Variants in UBE2G1 observed in about 807,000 individuals in gnomAD.
UBE2G1 encodes ubiquitin-conjugating enzyme E2 G1.
Under a neutral mutation model 22.7 loss-of-function variants are expected in UBE2G1, and 5 were observed. That is an observed-to-expected ratio of 0.22 (90% confidence interval 0.12 to 0.46). The LOEUF (loss-of-function observed/expected upper bound fraction) is 0.46, where lower values mean the gene tolerates loss of function less well. Ranked by LOEUF, UBE2G1 falls within the 20% of genes least tolerant of loss-of-function variation. The pLI is 0.99. For synonymous variants in UBE2G1, 74 were observed against 67.5 expected, an observed-to-expected ratio of 1.10 and a Z score of -0.47; for missense variants, 88 against 203.9, an observed-to-expected ratio of 0.43 and a Z score of 3.46.
intron 1 of UBE2G1, among the ~76,000 whole-genome samples, chr17:4,357,300 T>C (rs1302403022): frequency 4.6e-5 from 7 of 151,942 alleles, no homozygotes; most frequent in Admixed American, 4.6e-4. Context: ...TGCCGGCATA[T>C]TGTTATCATT....
intron 2 of UBE2G1, chr17:4,302,247 C>A: frequency 2.1e-6 from 1 of 471,182 alleles, no homozygotes; most frequent in South Asian, 1.6e-5. Context: ...TATCAGCTCC[C>A]ACACCCCAGT....
intron 1 of UBE2G1, among the ~76,000 whole-genome samples, chr17:4,358,771 G>A (rs562253324): frequency 6.6e-6 from 1 of 152,196 alleles, no homozygotes; most frequent in African/African-American, 2.4e-5. Flanking sequence ...GACTAATATA[G>A]AGAAACCCTG....
intron 4 of UBE2G1, among the ~76,000 whole-genome samples, chr17:4,288,051 T>C (rs1267209704): frequency 6.6e-6 from 1 of 152,164 alleles, no homozygotes; most frequent in Non-Finnish European, 1.5e-5. Flanking sequence ...CTGAAACATT[T>C]TGGGGTGAAG....
At chr17:4,302,400 A>G in intron 2 of UBE2G1, 1 of 503,532 alleles carries the variant, frequency 2.0e-6, no homozygotes, top group Non-Finnish European at 4.1e-6. Flanking sequence ...TCTCCTATTC[A>G]TCGCTTGCCT....
chr17:4,354,842 T>C (rs1030437814), intron 1 of UBE2G1, among the ~76,000 whole-genome samples: 1 of 151,670 alleles, frequency 6.6e-6, no homozygotes, highest in Non-Finnish European at 1.5e-5. Context: ...GCAGATAAGG[T>C]GGGAGGTTCA....
At chr17:4,356,049 TAAA>T (rs746982860) in intron 1 of UBE2G1, among the ~76,000 whole-genome samples, 26 of 99,080 alleles carry the variant, frequency 2.6e-4, no homozygotes, top group African/African-American at 8.1e-4. Context: ...TGTTTCACTT[TAAA>T]AAAAAAAAAA....
At chr17:4,300,398 C>G (rs1241520939) in intron 2 of UBE2G1, among the ~76,000 whole-genome samples, 1 of 151,780 alleles carries the variant, frequency 6.6e-6, no homozygotes, top group Non-Finnish European at 1.5e-5. Flanking sequence ...CAAAAATTAG[C>G]CAGGCGTGGT....
intron 5 of UBE2G1, among the ~76,000 whole-genome samples, chr17:4,274,266 C>T (rs1485647815): frequency 6.8e-6 from 1 of 147,604 alleles, no homozygotes; most frequent in Admixed American, 6.8e-5. Context: ...GGCGCGATCT[C>T]GGCTCACTGC....
At chr17:4,285,932 AGAGC>A (rs1256003708) in intron 4 of UBE2G1, among the ~76,000 whole-genome samples, 1 of 149,568 alleles carries the variant, frequency 6.7e-6, no homozygotes, top group Non-Finnish European at 1.5e-5. Flanking sequence ...GCCTGGCGAC[AGAGC>A]GAGACTACAT....
intron 2 of UBE2G1, among the ~76,000 whole-genome samples, chr17:4,306,501 T>C (rs1245939638): frequency 6.6e-6 from 1 of 152,030 alleles, no homozygotes; most frequent in Non-Finnish European, 1.5e-5. Context: ...AAACTATTAT[T>C]TTTAATAGCA....
intron 1 of UBE2G1, among the ~76,000 whole-genome samples, chr17:4,363,244 G>T (rs1045048557): frequency 1.3e-5 from 2 of 151,864 alleles, no homozygotes; most frequent in African/African-American, 4.8e-5. Flanking sequence ...TGTACATTTT[G>T]AGCATGTTAA....
chr17:4,302,159 TG>T, intron 2 of UBE2G1: 1 of 517,516 alleles, frequency 1.9e-6, no homozygotes, highest in Non-Finnish European at 3.9e-6. Context: ...TTATTGGACT[TG>T]GGAAAGTTTT....
chr17:4,357,826 G>A (rs778661835), intron 1 of UBE2G1, among the ~76,000 whole-genome samples: 1 of 151,962 alleles, frequency 6.6e-6, no homozygotes, highest in Non-Finnish European at 1.5e-5. Flanking sequence ...TAGACTGGAT[G>A]TGGTGGCTCA....
intron 4 of UBE2G1, among the ~76,000 whole-genome samples, chr17:4,287,902 G>A (rs530945238): frequency 6.6e-6 from 1 of 151,910 alleles, no homozygotes; most frequent in Non-Finnish European, 1.5e-5. Flanking sequence ...GGATAGGGGC[G>A]TGGCAGCTAT....
intron 1 of UBE2G1, among the ~76,000 whole-genome samples, chr17:4,342,355 C>T (rs913976941): frequency 2.6e-5 from 4 of 152,186 alleles, no homozygotes; most frequent in Non-Finnish European, 5.9e-5. Context: ...CTAGGCCAGG[C>T]GCAGTAGCTC....
Position 4,341,560 on chromosome 17 carries a change from C to G in UBE2G1, c.46+24711G>C, listed in dbSNP as rs368604824. On this transcript the variant is annotated intron_variant, in intron 1 of 5. Transcript: ENST00000396981. The stretch of plus-strand genomic sequence containing the variant: ...AATCCCATCAGCATCAAGCATGCCA[C>G]TAGCAATTCTCCAACTTTACACACA... 2.2e-4 allele frequency among the ~76,000 whole-genome samples: 34 copies of G among 152,298 alleles called. 1 individual carries two copies. Among genetic ancestry groups the G allele is most frequent in the East Asian group, 1.7e-3 (9 of 5,190 alleles).
At chr17:4,289,550 G>T in intron 3 of UBE2G1, 142 bp from the exon 4 acceptor site, 1 of 929,860 alleles carries the variant, frequency 1.1e-6, no homozygotes, top group Non-Finnish European at 1.5e-6. Context: ...AAAATGCAAT[G>T]TGTTGACTTT....
chr17:4,350,211 A>G (rs2143815202), intron 1 of UBE2G1, among the ~76,000 whole-genome samples: 1 of 152,324 alleles, frequency 6.6e-6, no homozygotes, highest in African/African-American at 2.4e-5. Context: ...CTGTATTCCC[A>G]GCACTTTGGG....
rs749376635 is a variant in UBE2G1 at position 4,269,716 on chromosome 17, C to A, written c.*2838G>T. On this transcript the variant is annotated 3_prime_UTR_variant, in exon 6 of 6. Transcript: ENST00000396981. Reference sequence around the variant, plus strand: ...AGCCACTCAGATCATCTATCCCATACAAGCACAGACTGAAATCTATATGCC... The same window carrying A: ...AGCCACTCAGATCATCTATCCCATAAAAGCACAGACTGAAATCTATATGCC... The A allele has an allele frequency of 6.4e-5, 12 of 186,200 alleles. No individual in the cohort carries two copies. Among genetic ancestry groups the A allele is most frequent in the Admixed American group, 4.2e-4 (10 of 23,640 alleles). The allele number at this position is 186,200 out of a possible 1,614,324, so 11.5% of individuals were successfully genotyped here. A position where few individuals can be genotyped will look rare whatever the true frequency, so the allele number is the denominator to read the frequency against.
Sources: gnomAD v4.1 joint callset for allele counts (sites outside exome capture counted in the v4.1 genomes callset) on GRCh38, gnomAD v4.1.1 for gene constraint, MANE v1.5 for transcripts, NCBI Gene and HGNC (gene_info 2026-07-23, HGNC 2026-07-21) for gene names.